The following FBXO41 variants were observed in gnomAD, a reference collection of about 807,000 sequenced individuals.
FBXO41 encodes F-box protein 41.
FBXO41 carries 33 observed loss-of-function variants against 81.6 expected under a neutral mutation model. The observed-to-expected ratio is 0.40, with a 90% confidence interval of 0.31 to 0.54. The LOEUF (loss-of-function observed/expected upper bound fraction) is 0.54. Among genes scored for constraint, FBXO41 ranks in the 20% least tolerant of loss-of-function variants. FBXO41 has a pLI of 0.39. For synonymous variants in FBXO41, 576 were observed against 552.7 expected (o/e 1.04, Z -0.59); for missense variants, 1,107 against 1,236.0 (o/e 0.90, Z 1.56).
In FBXO41 at chr2:73,260,845, G is replaced by A. The variant is rs1239912088; in HGVS notation, c.2185C>T (p.Arg729Cys). 12 of 1,563,022 alleles carry A rather than the reference G, an allele frequency of 7.7e-6. No homozygotes were observed. The highest frequency in any genetic ancestry group is 2.4e-5 in the South Asian group (2 of 84,916). The change falls in exon 10 of 13, where the codon CGC (arginine) becomes TGC (cysteine). Residue 729 changes from arginine (R) to cysteine (C), a missense_variant. Physicochemically the swap from Arg to Cys is radical, Grantham distance 180 (BLOSUM62 -3). Coordinates refer to ENST00000520530, the MANE Select transcript of FBXO41 (RefSeq NM_001371389.2). This position sits in a 1 kb window ranked among gnomAD's most constrained non-coding sequence, Gnocchi z 5.0. ...APLHPCQQPTRFSNRCLQMIG... is the reference protein window; with the variant it reads ...APLHPCQQPTCFSNRCLQMIG... ...ATCTGCAGGCAGCGGTTACTGAAGC[G>A]TGTGGGCTGCTGGCTGGAGAATGGG...
Position 73,266,747 on chromosome 2 carries a change from G to C in FBXO41, c.906-65C>G. 6.8e-7 allele frequency: 1 copy of C among 1,473,210 alleles called. No individual in the cohort carries two copies. The highest frequency in any genetic ancestry group is 9.0e-7 in the Non-Finnish European group (1 of 1,116,220). The allele number at this position is 1,473,210 out of a possible 1,614,324, so 91.3% of individuals were successfully genotyped here. ...GCCTGCCCACCCACCCTCTGGAGGA[G>C]AGCCTGGCCAGTGCGGGGAGACACT... On this transcript the variant is annotated intron_variant, in intron 2 of 12. Transcript: ENST00000520530. The surrounding 1 kb of genome is among the most constrained non-coding windows in gnomAD (Gnocchi z 5.3).
At position 73,269,576 on chromosome 2, in the gene FBXO41, A is replaced by G; in HGVS notation, c.55T>C (p.Phe19Leu). 1 of 1,345,604 alleles carries G rather than the reference A, an allele frequency of 7.4e-7. No individual in the cohort carries two copies. The highest frequency in any genetic ancestry group is 9.6e-7 in the Non-Finnish European group (1 of 1,037,916). 83.4% of individuals were successfully genotyped at this position (1,345,604 alleles called of 1,614,324 possible). ...GCGCGCAGCGACGACAGGCTCCGGA[A>G]GCGCTTGTGCTCCCCGCAGCGGGGG... ...RCPRCGEHKR[F>L]RSLSSLRAHL... The change falls in exon 2 of 13, where the codon TTC becomes CTC. Residue 19 changes from phenylalanine (F) to leucine (L), a missense_variant. By Grantham distance (22) the Phe-to-Leu change is conservative. Coordinates refer to ENST00000520530, the MANE Select transcript of FBXO41 (RefSeq NM_001371389.2). This position sits in a 1 kb window ranked among gnomAD's most constrained non-coding sequence, Gnocchi z 7.0.
Position 73,269,315 on chromosome 2 carries a change from G to T in FBXO41, c.316C>A (p.Leu106Met). The change falls in exon 2 of 13, where the codon CTG becomes ATG. Residue 106 changes from leucine to methionine, a missense_variant. Physicochemically the swap from Leu to Met is conservative, Grantham distance 15. Around this residue, in one of 2 missense-constraint regions of FBXO41, gnomAD observed 771 missense variants for 789.2 expected, o/e 0.98. Transcript: ENST00000520530. The surrounding 1 kb of genome is among the most constrained non-coding windows in gnomAD (Gnocchi z 7.0). ...GGAGCGTGGTGATGGTGGTGGTGCA[G>T]CAGGTGCGGCGCCGCGGGCGACGGC... ...AGPSPAAPHL[L>M]HHHHHHAPLA... The T allele has an allele frequency of 6.5e-7, 1 of 1,527,548 alleles. No homozygotes were observed. The allele number at this position is 1,527,548 out of a possible 1,614,324, so 94.6% of individuals were successfully genotyped here.
chr2:73,265,068 C>G (rs762252162), intron 5 of FBXO41, among the ~76,000 whole-genome samples: 1 of 152,218 alleles, frequency 6.6e-6, no homozygotes, highest in Non-Finnish European at 1.5e-5. Context: ...GAATGGCCCC[C>G]CTGCCCCCCA....
intron 1 of FBXO41, among the ~76,000 whole-genome samples, chr2:73,282,309 G>A (rs1334863073): frequency 6.6e-6 from 1 of 152,178 alleles, no homozygotes; most frequent in Non-Finnish European, 1.5e-5. Flanking sequence ...TTTGTTAAAT[G>A]AATGGATAAA....
Position 73,265,328 on chromosome 2 carries a change from G to T in FBXO41, c.1518C>A (p.Arg506=), listed in dbSNP as rs749361383. ...SEAEGPLDAP[R]PGPAMAGPLS... is the part of the protein sequence containing the mutation. Reference sequence around the variant, plus strand: ...ATGGCCCAGCCATAGCAGGCCCGGGGCGGGGCGCATCCAACGGGCCCTCAG... The same window carrying T: ...ATGGCCCAGCCATAGCAGGCCCGGGTCGGGGCGCATCCAACGGGCCCTCAG... The change falls in exon 5 of 13, where the codon CGC becomes CGA. Residue 506 remains arginine (R), a synonymous_variant. Coordinates refer to ENST00000520530, the MANE Select transcript of FBXO41 (RefSeq NM_001371389.2). 6.2e-7 allele frequency: 1 copy of T among 1,611,408 alleles called. No individual in the cohort carries two copies.
rs891391428 is a variant in FBXO41 at position 73,264,403 on chromosome 2, A to G, written c.1681T>C (p.Phe561Leu). The G allele has an allele frequency of 1.2e-6, 2 of 1,613,926 alleles. No individual in the cohort carries two copies. Among genetic ancestry groups the G allele is most frequent in the African/African-American group, 1.3e-5 (1 of 75,078 alleles). Residue 561 changes from phenylalanine to leucine, a missense_variant, in exon 6 of 13, where the codon TTC becomes CTC. By Grantham distance (22) the Phe-to-Leu change is conservative. Transcript: ENST00000520530. ...LKMRAALFCI[F>L]TYLDTRTLLH... Reference sequence around the variant, plus strand: ...AGTGTGCGCGTGTCCAGGTAGGTGAAGATGCAGAAGAGGGCAGCTCGCATC... The same window carrying G: ...AGTGTGCGCGTGTCCAGGTAGGTGAGGATGCAGAAGAGGGCAGCTCGCATC...
chr2:73,261,951 G>C (rs550530542), intron 9 of FBXO41, among the ~76,000 whole-genome samples: 1 of 149,894 alleles, frequency 6.7e-6, no homozygotes, highest in African/African-American at 2.4e-5. Flanking sequence ...GGCTGGGCGC[G>C]GTGGCTTATG....
chr2:73,283,366 C>T (rs749565362), intron 1 of FBXO41, among the ~76,000 whole-genome samples: 3 of 152,206 alleles, frequency 2.0e-5, no homozygotes, highest in Non-Finnish European at 2.9e-5. Context: ...TTCTAGCAGC[C>T]CTGGCACTGC....
chr2:73,266,449 G>A lies in FBXO41; in HGVS notation c.1131+8C>T. 6.7e-7 allele frequency: 1 copy of A among 1,488,330 alleles called. No individual in the cohort carries two copies. Among genetic ancestry groups the A allele is most frequent in the Non-Finnish European group, 9.0e-7 (1 of 1,110,834 alleles). The allele number at this position is 1,488,330 out of a possible 1,614,324, so 92.2% of individuals were successfully genotyped here. On this transcript the variant is annotated splice_region_variant and intron_variant, in intron 3 of 12. Coordinates refer to ENST00000520530, the MANE Select transcript of FBXO41 (RefSeq NM_001371389.2). This position sits in a 1 kb window ranked among gnomAD's most constrained non-coding sequence, Gnocchi z 5.3. ...CAGGTAGAGGAGGGAAGGCAGGTGG[G>A]CACTCACCATTCTGCCTGGGCCCCG...
chr2:73,264,574 G>A (rs1688159956), intron 5 of FBXO41, 55 bp from the exon 6 acceptor site: 2 of 1,603,386 alleles, frequency 1.2e-6, no homozygotes, highest in East Asian at 4.5e-5. Context: ...CTGGTGTGGG[G>A]ATGTGTGTGG....
chr2:73,268,091 A>G (rs1424647010), intron 2 of FBXO41, among the ~76,000 whole-genome samples: 1 of 152,198 alleles, frequency 6.6e-6, no homozygotes, highest in Non-Finnish European at 1.5e-5. Context: ...CCAAGTGAAG[A>G]AGGCATGTCA....
chr2:73,271,006 C>G (rs1688474675), intron 1 of FBXO41: 1 of 499,720 alleles, frequency 2.0e-6, no homozygotes, highest in East Asian at 5.7e-5. Context: ...GGATTTTCCC[C>G]TGGGTTCTGC....
chr2:73,278,926 A>C (rs1435291845), intron 1 of FBXO41, among the ~76,000 whole-genome samples: 1 of 152,246 alleles, frequency 6.6e-6, no homozygotes, highest in Non-Finnish European at 1.5e-5. Context: ...AGTGCCTGGC[A>C]TGGGGCAGGT....
rs1688921728 is a variant in FBXO41, at chr2:73,284,003, T to TA, written c.-139+156_-139+157insT. On this transcript the variant is annotated intron_variant, in intron 1 of 12. Coordinates refer to ENST00000520530, the MANE Select transcript of FBXO41 (RefSeq NM_001371389.2). This position sits in a 1 kb window ranked among gnomAD's most constrained non-coding sequence, Gnocchi z 7.4. ...CTTAAATTAACCCCTTCCCTGCCTC[T>TA]GGTCTGGCCTGCCCAGAATCCCTCC... Among the ~76,000 whole-genome samples, 1 of 152,196 alleles carries TA rather than the reference T, an allele frequency of 6.6e-6. No individual in the cohort carries two copies. The highest frequency in any genetic ancestry group is 2.4e-5 in the African/African-American group (1 of 41,464).
In FBXO41 at chr2:73,266,269, C is replaced by T. The variant is rs1421706609; in HGVS notation, c.1131+188G>A. Among the ~76,000 whole-genome samples, 2 of 152,186 alleles carry T rather than the reference C, an allele frequency of 1.3e-5. No homozygotes were observed. Among genetic ancestry groups the T allele is most frequent in the Non-Finnish European group, 2.9e-5 (2 of 68,026 alleles). On this transcript the variant is annotated intron_variant, in intron 3 of 12. Coordinates refer to ENST00000520530, the MANE Select transcript of FBXO41 (RefSeq NM_001371389.2). The surrounding 1 kb of genome is among the most constrained non-coding windows in gnomAD (Gnocchi z 5.3). ...GCCACCGAATCACATCTCACTACAG[C>T]CTCGGGGGCTGGCACTGGCACTCCT...
chr2:73,273,581 C>T (rs1037514788), intron 1 of FBXO41, among the ~76,000 whole-genome samples: 2 of 152,210 alleles, frequency 1.3e-5, no homozygotes, highest in African/African-American at 4.8e-5. Context: ...ACTCATTTCT[C>T]AGTCTGGGCC....
chr2:73,276,035 C>G (rs528272231), intron 1 of FBXO41, among the ~76,000 whole-genome samples: 1 of 151,678 alleles, frequency 6.6e-6, no homozygotes, highest in South Asian at 2.1e-4. Flanking sequence ...ATCCACTTGC[C>G]TCTGCCTCCC....
Position 73,266,084 on chromosome 2 carries a change from G to T in FBXO41, c.1132-118C>A, listed in dbSNP as rs1370285723. 1.1e-6 allele frequency: 1 copy of T among 896,674 alleles called. No individual in the cohort carries two copies. Among genetic ancestry groups the T allele is most frequent in the African/African-American group, 1.7e-5 (1 of 60,234 alleles). 55.5% of individuals were successfully genotyped at this position (896,674 alleles called of 1,614,324 possible). On this transcript the variant is annotated intron_variant, in intron 3 of 12. Coordinates refer to ENST00000520530, the MANE Select transcript of FBXO41 (RefSeq NM_001371389.2). This position sits in a 1 kb window ranked among gnomAD's most constrained non-coding sequence, Gnocchi z 5.3. Reference sequence around the variant, plus strand: ...AGGAGATGGGGGAGAGGAGAGAGAAGGGAAAATAGTTGGGAAAGATGGACA... The same window carrying T: ...AGGAGATGGGGGAGAGGAGAGAGAATGGAAAATAGTTGGGAAAGATGGACA...
Sources: gnomAD v4.1 joint callset for allele counts (sites outside exome capture counted in the v4.1 genomes callset) on GRCh38, gnomAD v4.1.1 for gene constraint, gnomAD v4.1.1 regional missense constraint, Gnocchi (gnomAD v3.1) non-coding constraint, MANE v1.5 for transcripts, NCBI Gene and HGNC (gene_info 2026-07-23, HGNC 2026-07-21) for gene names.